The following CLASP1 variants were observed in gnomAD, a reference collection of about 807,000 sequenced individuals.
CLASP1 encodes the protein cytoplasmic linker associated protein 1.
CLASP1 carries 38 observed loss-of-function variants against 192.3 expected under a neutral mutation model. That is an observed-to-expected ratio of 0.20 (90% CI 0.15 to 0.26). CLASP1 has a LOEUF of 0.26. CLASP1 is among the 10% of genes least tolerant of loss of function. The pLI is 1.00. For missense variants in CLASP1, 1,433 were observed against 1,932.5 expected (o/e 0.74, Z 4.85); for synonymous variants, 691 against 712.8 (o/e 0.97, Z 0.49).
At chr2:121,401,955 G>T in intron 26 of CLASP1, 85 bp from the exon 28 acceptor site, 1 of 545,752 alleles carries the variant, frequency 1.8e-6, no homozygotes, top group Non-Finnish European at 3.5e-6. Context: ...ATTTTCATGC[G>T]TTTTTTTAAG....
At chr2:121,364,121 C>G (rs901492466) in intron 36 of CLASP1, 18 of 152,056 alleles carry the variant, frequency 1.2e-4, no homozygotes, top group Admixed American at 3.3e-4. Context: ...TATTACCATT[C>G]TTCTATTTTT....
At chr2:121,389,192 T>C (rs763753532) in intron 30 of CLASP1, among the ~76,000 whole-genome samples, 7 of 152,174 alleles carry the variant, frequency 4.6e-5, no homozygotes, top group Non-Finnish European at 8.8e-5. Flanking sequence ...CAAAAGTACA[T>C]TACTTTTTTC....
intron 8 of CLASP1, among the ~76,000 whole-genome samples, chr2:121,501,935 G>A (rs572182745): frequency 6.6e-6 from 1 of 152,302 alleles, no homozygotes; most frequent in South Asian, 2.1e-4. Flanking sequence ...AGTACTGGTT[G>A]TAATCTAAGA....
intron 2 of CLASP1, among the ~76,000 whole-genome samples, chr2:121,548,928 T>TATA (rs1253784625): frequency 6.6e-6 from 1 of 152,152 alleles, no homozygotes; most frequent in Non-Finnish European, 1.5e-5. Context: ...GAGCACTAAA[T>TATA]GTATTAATAT....
intron 30 of CLASP1, among the ~76,000 whole-genome samples, chr2:121,390,273 T>A (rs1028417350): frequency 6.6e-6 from 1 of 152,192 alleles, no homozygotes; most frequent in Non-Finnish European, 1.5e-5. Context: ...GCCTGGGGCA[T>A]AGCTCATGTT....
At chr2:121,390,340 T>C (rs577782963) in intron 30 of CLASP1, among the ~76,000 whole-genome samples, 8 of 152,338 alleles carry the variant, frequency 5.3e-5, no homozygotes, top group African/African-American at 1.7e-4. Context: ...ATGTGAACTG[T>C]TATCTTCGTA....
intron 35 of CLASP1, among the ~76,000 whole-genome samples, chr2:121,365,979 C>A (rs2067331273): frequency 6.6e-6 from 1 of 152,136 alleles, no homozygotes; most frequent in African/African-American, 2.4e-5. Flanking sequence ...GAATATTCAA[C>A]TTTAAATAGA....
intron 1 of CLASP1, among the ~76,000 whole-genome samples, chr2:121,640,723 T>C (rs2071896755): frequency 1.3e-5 from 2 of 152,170 alleles, no homozygotes; most frequent in Admixed American, 6.5e-5. Flanking sequence ...ATGCTGAAGA[T>C]TTTAAAAGCC....
In CLASP1 at chr2:121,625,829, C is replaced by T. The variant is rs192148609; in HGVS notation, c.-285-19649G>A. Among the ~76,000 whole-genome samples the T allele has an allele frequency of 7.1e-3, 1,077 of 151,934 alleles. 12 individuals are homozygous for T. The highest frequency in any genetic ancestry group is 0.024 in the African/African-American group (988 of 41,486). On this transcript the variant is annotated intron_variant, in intron 1 of 39. Transcript: ENST00000263710. ...AGAACAGGCTGGGCACAGTGGCTCA[C>T]ATCTGTAATCCCAGCACTTTGGGAG... is the stretch of plus-strand genomic sequence containing the variant.
At chr2:121,544,439 CAAAAAAAA>C (rs11293204) in intron 2 of CLASP1, among the ~76,000 whole-genome samples, 2 of 80,684 alleles carry the variant, frequency 2.5e-5, no homozygotes, top group East Asian at 3.3e-4. Context: ...AAAATATATA[CAAAAAAAA>C]AAAAAAAAAG....
intron 23 of CLASP1, among the ~76,000 whole-genome samples, chr2:121,415,535 G>C (rs1347130568): frequency 1.3e-5 from 2 of 152,324 alleles, no homozygotes; most frequent in East Asian, 1.9e-4. Context: ...CATGTGGATA[G>C]AAAACAACTT....
chr2:121,385,315 AT>A lies in CLASP1; in HGVS notation c.3374+1806del, dbSNP rs568879748. ...CTGAATGACGGCAAGTTAAAAAAAA[AT>A]ATTTTTCCAAGAAAGAAACTACATA... On this transcript the variant is annotated intron_variant, in intron 32 of 39. Coordinates refer to ENST00000263710, the Ensembl canonical transcript of CLASP1. Among the ~76,000 whole-genome samples the A allele has an allele frequency of 2.4e-4, 37 of 152,344 alleles. 1 individual carries two copies. The East Asian group carries it at 7.1e-3, about 29-fold the overall frequency.
At chr2:121,489,934 T>C (rs929516534) in intron 8 of CLASP1, among the ~76,000 whole-genome samples, 2 of 152,228 alleles carry the variant, frequency 1.3e-5, no homozygotes, top group Admixed American at 6.5e-5. Context: ...AACAAATACC[T>C]TGCAATTGCA....
At chr2:121,551,507 G>A (rs1275903445) in intron 2 of CLASP1, among the ~76,000 whole-genome samples, 1 of 152,114 alleles carries the variant, frequency 6.6e-6, no homozygotes, top group Non-Finnish European at 1.5e-5. Flanking sequence ...AAAGTTTCTG[G>A]ATACAAAATC....
intron 2 of CLASP1, among the ~76,000 whole-genome samples, chr2:121,558,927 A>G (rs779127522): frequency 2.0e-5 from 3 of 152,174 alleles, no homozygotes; most frequent in Non-Finnish European, 4.4e-5. Flanking sequence ...GAAGCTTTCA[A>G]CCTGGCCTGG....
At chr2:121,428,341 G>GT (rs762432731) in intron 20 of CLASP1, among the ~76,000 whole-genome samples, 1 of 152,176 alleles carries the variant, frequency 6.6e-6, no homozygotes, top group Non-Finnish European at 1.5e-5. Context: ...GTAAAATACT[G>GT]TTCAACCCTC....
At chr2:121,512,105 T>C (rs2094154607) in intron 7 of CLASP1, among the ~76,000 whole-genome samples, 1 of 152,254 alleles carries the variant, frequency 6.6e-6, no homozygotes, top group African/African-American at 2.4e-5. Flanking sequence ...CAAATAGTTA[T>C]AATGAATCAA....
chr2:121,426,985 C>A (rs1303615165), intron 21 of CLASP1, among the ~76,000 whole-genome samples: 1 of 151,846 alleles, frequency 6.6e-6, no homozygotes, highest in Non-Finnish European at 1.5e-5. Context: ...TGAAGCAACA[C>A]TTACCTGTAA....
At position 121,523,846 on chromosome 2, in the gene CLASP1, G is replaced by A. The variant is rs1470438207; in HGVS notation, c.546+1999C>T. Among the ~76,000 whole-genome samples the A allele has an allele frequency of 2.6e-5, 4 of 152,174 alleles. No homozygotes were observed. In the South Asian group the frequency reaches 8.3e-4, roughly 31 times the overall value. On this transcript the variant is annotated intron_variant, in intron 6 of 39. Transcript: ENST00000263710. ...CCCAAAAAGCCCAAGGATCCACACA[G>A]ACAAGACAGGCCCACAGCATGAGCT...
Sources: gnomAD v4.1 joint callset for allele counts (sites outside exome capture counted in the v4.1 genomes callset) on GRCh38, gnomAD v4.1.1 for gene constraint, MANE v1.5 for transcripts, NCBI Gene and HGNC (gene_info 2026-07-23, HGNC 2026-07-21) for gene names.